The following STK35 variants were observed in gnomAD, a reference collection of about 807,000 sequenced individuals.
STK35 encodes the protein serine/threonine-protein kinase 35.
Under a neutral mutation model 37.3 loss-of-function variants are expected in STK35, and 17 were observed. The ratio of observed to expected loss-of-function variants is 0.46; its 90% CI spans 0.31 to 0.68. The LOEUF (loss-of-function observed/expected upper bound fraction) is 0.68, where lower values mean the gene tolerates loss of function less well. Ranked by LOEUF, STK35 falls within the 30% of genes least tolerant of loss-of-function variation. The pLI is 0.05. For synonymous variants in STK35, 385 were observed against 319.1 expected, an observed-to-expected ratio of 1.21 and a Z score of -2.20; for missense variants, 595 against 746.7, an observed-to-expected ratio of 0.80 and a Z score of 2.37.
intron 2 of STK35, 54 bp from the exon 3 acceptor site, chr20:2,116,606 TAAAAAG>T: frequency 6.5e-7 from 1 of 1,532,438 alleles, no homozygotes; most frequent in Non-Finnish European, 8.8e-7. Context: ...ATCCTTTAGT[TAAAAAG>T]AAGTGTGACT....
rs563739555 is a variant in STK35 at position 2,140,572 on chromosome 20, A to G, written c.*38-3212A>G. 3.4e-4 allele frequency among the ~76,000 whole-genome samples: 52 copies of G among 152,284 alleles called. 2 individuals are homozygous for G. In the South Asian group the frequency reaches 9.5e-3, roughly 28 times the overall value. ...TGCTCTTTCTGTGATGGCAGATGGG[A>G]AAAGAACCCCAAGCCAAGATCCTCT... On this transcript the variant is annotated intron_variant, in intron 3 of 3. Coordinates refer to ENST00000381482, the MANE Select transcript of STK35 (RefSeq NM_080836.4).
At chr20:2,107,336 C>T (rs568813029) in intron 2 of STK35, among the ~76,000 whole-genome samples, 14 of 152,284 alleles carry the variant, frequency 9.2e-5, no homozygotes, top group African/African-American at 3.4e-4. Context: ...TTGGGAGAGC[C>T]GGGAGCCTAG....
chr20:2,144,303 A>C lies in STK35; in HGVS notation c.*557A>C, dbSNP rs1986221476. The C allele has an allele frequency of 5.1e-6, 1 of 197,174 alleles. No individual in the cohort carries two copies. Among genetic ancestry groups the C allele is most frequent in the South Asian group, 7.7e-5 (1 of 13,054 alleles). The allele number at this position is 197,174 out of a possible 1,614,324, so 12.2% of individuals were successfully genotyped here. On this transcript the variant is annotated 3_prime_UTR_variant, in exon 4 of 4. Transcript: ENST00000381482. ...TGGGCCACGCCTCCCTACCAGATGCAGGAACTCCTGGACTCCTTGGTGGGC... is the reference window on the plus strand; with the variant it reads ...TGGGCCACGCCTCCCTACCAGATGCCGGAACTCCTGGACTCCTTGGTGGGC...
rs558668406 is a variant in STK35, at chr20:2,117,422, G to T, written c.*37+7G>T. 1.3e-5 allele frequency: 19 copies of T among 1,480,346 alleles called. No homozygotes were observed. In the African/African-American group the frequency reaches 2.7e-4, roughly 21 times the overall value. 91.7% of individuals were successfully genotyped at this position (1,480,346 alleles called of 1,614,324 possible). Reference sequence around the variant, plus strand: ...TTGGGTGATTTTAAACTAGGTGAGTGCTCTCTGTTGTTGTTTTTTGTTTTT... The same window carrying T: ...TTGGGTGATTTTAAACTAGGTGAGTTCTCTCTGTTGTTGTTTTTTGTTTTT... On this transcript the variant is annotated splice_region_variant and intron_variant, in intron 3 of 3. Coordinates refer to ENST00000381482, the MANE Select transcript of STK35 (RefSeq NM_080836.4). The surrounding 1 kb of genome is among the most constrained non-coding windows in gnomAD (Gnocchi z 4.4).
chr20:2,113,099 CT>C (rs1335622217), intron 2 of STK35, among the ~76,000 whole-genome samples: 1 of 152,170 alleles, frequency 6.6e-6, no homozygotes, highest in Non-Finnish European at 1.5e-5. Context: ...CAGTTTGGTT[CT>C]TTGGGAATTA....
intron 2 of STK35, among the ~76,000 whole-genome samples, chr20:2,104,491 A>G (rs947364933): frequency 1.3e-5 from 2 of 152,190 alleles, no homozygotes; most frequent in Non-Finnish European, 2.9e-5. Flanking sequence ...GTTTCCTTAC[A>G]TTTCTCAGAG....
chr20:2,124,668 G>T (rs1262393745), intron 3 of STK35, among the ~76,000 whole-genome samples: 1 of 152,158 alleles, frequency 6.6e-6, no homozygotes, highest in Non-Finnish European at 1.5e-5. Context: ...TTCACAAGAG[G>T]TGGGGGTTAT....
In STK35 at chr20:2,145,991, T is replaced by C. The variant is rs1986259605; in HGVS notation, c.*2245T>C. Reference sequence around the variant, plus strand: ...CCATCGTGCTCCCCCTTTGTTATTTTTCTTGCTATCAGAGTAGCAAGAAAC... The same window carrying C: ...CCATCGTGCTCCCCCTTTGTTATTTCTCTTGCTATCAGAGTAGCAAGAAAC... On this transcript the variant is annotated 3_prime_UTR_variant, in exon 4 of 4. Transcript: ENST00000381482. 2 of 152,318 alleles carry C rather than the reference T, an allele frequency of 1.3e-5. 1 individual carries two copies. Among genetic ancestry groups the C allele is most frequent in the South Asian group, 4.1e-4 (2 of 4,830 alleles). 9.4% of individuals were successfully genotyped at this position (152,318 alleles called of 1,614,324 possible). A position where few individuals can be genotyped will look rare whatever the true frequency, so the allele number is the denominator to read the frequency against.
chr20:2,121,005 C>A (rs1985807333), intron 3 of STK35, among the ~76,000 whole-genome samples: 1 of 151,972 alleles, frequency 6.6e-6, no homozygotes, highest in African/African-American at 2.4e-5. Context: ...GGAGTGAGTC[C>A]CAAGGATTTC....
At chr20:2,138,068 C>G (rs1986115280) in intron 3 of STK35, among the ~76,000 whole-genome samples, 1 of 152,186 alleles carries the variant, frequency 6.6e-6, no homozygotes, top group African/African-American at 2.4e-5. Context: ...GTTGCATATT[C>G]AGTTTGCACG....
In STK35 at chr20:2,117,235, T is replaced by C; in HGVS notation, c.1462T>C (p.Leu488=). 1 of 1,613,862 alleles carries C rather than the reference T, an allele frequency of 6.2e-7. No individual in the cohort carries two copies. The highest frequency in any genetic ancestry group is 1.3e-5 in the African/African-American group (1 of 74,924). The change falls in exon 3 of 4, where the codon TTG becomes CTG. Residue 488 remains leucine (L), a synonymous_variant. Transcript: ENST00000381482. This position sits in a 1 kb window ranked among gnomAD's most constrained non-coding sequence, Gnocchi z 4.4. ...EALLENPKME[L]HIPQKRRTSM... ...GCTGCTAGAAAACCCAAAGATGGAG[T>C]TGCACATCCCCCAAAAACGCAGGAC...
At chr20:2,137,042 A>G (rs1986099414) in intron 3 of STK35, among the ~76,000 whole-genome samples, 1 of 152,194 alleles carries the variant, frequency 6.6e-6, no homozygotes, top group Non-Finnish European at 1.5e-5. Flanking sequence ...TCACCTCAAG[A>G]GAAGATCAAC....
intron 3 of STK35, among the ~76,000 whole-genome samples, chr20:2,140,774 G>A (rs1047759867): frequency 2.6e-5 from 4 of 152,194 alleles, no homozygotes; most frequent in Non-Finnish European, 1.5e-5. Flanking sequence ...GGGACCCAGT[G>A]ATTACAGCGG....
At chr20:2,127,505 G>C (rs1300709621) in intron 3 of STK35, among the ~76,000 whole-genome samples, 1 of 152,070 alleles carries the variant, frequency 6.6e-6, no homozygotes, top group Non-Finnish European at 1.5e-5. Flanking sequence ...AGGAACCCTT[G>C]GTTTGCATAG....
At chr20:2,123,770 A>G (rs1985859240) in intron 3 of STK35, among the ~76,000 whole-genome samples, 1 of 152,218 alleles carries the variant, frequency 6.6e-6, no homozygotes, top group Non-Finnish European at 1.5e-5. Flanking sequence ...AGTACTAAAT[A>G]GGTCCACTCT....
intron 3 of STK35, among the ~76,000 whole-genome samples, chr20:2,120,435 G>T (rs886596880): frequency 6.6e-6 from 1 of 152,206 alleles, no homozygotes; most frequent in Admixed American, 6.5e-5. Flanking sequence ...TACAGTACTG[G>T]TGGTGCCAAT....
chr20:2,111,485 C>G (rs1163248755), intron 2 of STK35, among the ~76,000 whole-genome samples: 1 of 152,026 alleles, frequency 6.6e-6, no homozygotes, highest in Non-Finnish European at 1.5e-5. Context: ...TTGCCTGAGC[C>G]CAGAAGTTCA....
Position 2,126,127 on chromosome 20 carries a change from G to A in STK35, c.*37+8712G>A, listed in dbSNP as rs1985900938. Among the ~76,000 whole-genome samples, 3 of 152,228 alleles carry A rather than the reference G, an allele frequency of 2.0e-5. No individual in the cohort carries two copies. In the South Asian group the frequency reaches 6.2e-4, roughly 31 times the overall value. On this transcript the variant is annotated intron_variant, in intron 3 of 3. Coordinates refer to ENST00000381482, the MANE Select transcript of STK35 (RefSeq NM_080836.4). ...GCTCACTCACTGAATCCTGACTTAA[G>A]CAAGGGATTCCGTCACTCATGCTTA...
intron 2 of STK35, among the ~76,000 whole-genome samples, chr20:2,116,101 G>T (rs1985712197): frequency 6.6e-6 from 1 of 152,144 alleles, no homozygotes; most frequent in Non-Finnish European, 1.5e-5. Flanking sequence ...CTTGTGCTAG[G>T]CATGTGGTGG....
Sources: gnomAD v4.1 joint callset for allele counts (sites outside exome capture counted in the v4.1 genomes callset) on GRCh38, gnomAD v4.1.1 for gene constraint, Gnocchi (gnomAD v3.1) non-coding constraint, MANE v1.5 for transcripts, NCBI Gene and HGNC (gene_info 2026-07-23, HGNC 2026-07-21) for gene names.